PDE11A: variants seen among roughly 807,000 people sequenced by gnomAD.
PDE11A encodes the protein phosphodiesterase 11A, also known as dual 3',5'-cyclic-AMP and -GMP phosphodiesterase 11A.
PDE11A carries 100 observed loss-of-function variants against 100.5 expected under a neutral mutation model. The ratio of observed to expected loss-of-function variants is 1.00; its 90% CI spans 0.85 to 1.18. The LOEUF (loss-of-function observed/expected upper bound fraction) is 1.18, where lower values mean the gene tolerates loss of function less well. PDE11A is among the 50% of genes most tolerant of loss of function. PDE11A has a pLI of 0.00. For missense variants in PDE11A, 1,141 were observed against 1,152.6 expected (o/e 0.99, Z 0.15); for synonymous variants, 381 against 420.8 (o/e 0.91, Z 1.16).
intron 2 of PDE11A, among the ~76,000 whole-genome samples, chr2:178,103,869 C>A (rs549573933): frequency 1.3e-5 from 2 of 152,030 alleles, no homozygotes; most frequent in Admixed American, 1.3e-4. Flanking sequence ...TCGATCTTAA[C>A]CCTAAGATAC....
intron 1 of PDE11A, among the ~76,000 whole-genome samples, chr2:178,061,873 A>G (rs1252266480): frequency 1.3e-5 from 2 of 152,216 alleles, no homozygotes; most frequent in Non-Finnish European, 2.9e-5. Flanking sequence ...ACAGAAACCC[A>G]AAGTCTTAAG....
chr2:177,966,901 T>A (rs1184759910), intron 2 of PDE11A, among the ~76,000 whole-genome samples: 1 of 152,094 alleles, frequency 6.6e-6, no homozygotes, highest in African/African-American at 2.4e-5. Context: ...CTCTTCTCAG[T>A]TTTTTGGAAT....
At chr2:177,848,597 AAG>A (rs2083642507) in intron 5 of PDE11A, among the ~76,000 whole-genome samples, 1 of 152,244 alleles carries the variant, frequency 6.6e-6, no homozygotes, top group Non-Finnish European at 1.5e-5. Context: ...ACTGACTTCA[AAG>A]AGAGCTTCAT....
intron 2 of PDE11A, among the ~76,000 whole-genome samples, chr2:177,970,870 A>G (rs915491257): frequency 3.3e-5 from 5 of 152,204 alleles, no homozygotes; most frequent in Non-Finnish European, 7.3e-5. Context: ...GCATGGAGTC[A>G]TAGCAGTCAG....
At chr2:177,797,254 T>TG (rs2082719845) in intron 9 of PDE11A, 1 of 152,164 alleles carries the variant, frequency 6.6e-6, no homozygotes, top group South Asian at 2.1e-4. Flanking sequence ...AAAGAGCCCT[T>TG]GCGGTACAAT....
At chr2:177,985,016 G>T (rs1277665445) in intron 2 of PDE11A, among the ~76,000 whole-genome samples, 1 of 152,204 alleles carries the variant, frequency 6.6e-6, no homozygotes, top group African/African-American at 2.4e-5. Flanking sequence ...AGTTCATAAA[G>T]TAGAAATTCA....
At chr2:177,905,403 A>C (rs749618044) in intron 2 of PDE11A, among the ~76,000 whole-genome samples, 1 of 152,256 alleles carries the variant, frequency 6.6e-6, no homozygotes, top group Non-Finnish European at 1.5e-5. Context: ...CTTTAACTAG[A>C]GAATTCACAT....
chr2:177,672,144 A>G (rs779855369), intron 17 of PDE11A, among the ~76,000 whole-genome samples: 9 of 152,146 alleles, frequency 5.9e-5, no homozygotes, highest in Non-Finnish European at 1.2e-4. Flanking sequence ...AGGCCTTCCC[A>G]CATGGGAAAG....
chr2:178,046,973 C>T (rs575085187), intron 1 of PDE11A, among the ~76,000 whole-genome samples: 2 of 151,850 alleles, frequency 1.3e-5, no homozygotes, highest in East Asian at 3.9e-4. Context: ...ATGTCTAGGG[C>T]CTATCTCATT....
chr2:177,789,990 A>G (rs1250121271), intron 9 of PDE11A, among the ~76,000 whole-genome samples: 1 of 151,404 alleles, frequency 6.6e-6, no homozygotes, highest in East Asian at 1.9e-4. Flanking sequence ...ATTCAATGCC[A>G]TCGCCATCAA....
chr2:177,929,126 C>G (rs1399703397), intron 2 of PDE11A, among the ~76,000 whole-genome samples: 1 of 152,072 alleles, frequency 6.6e-6, no homozygotes, highest in African/African-American at 2.4e-5. Flanking sequence ...GCAAGTGCTC[C>G]CAGCCTGGGT....
At chr2:177,708,669 A>G (rs1244040940) in intron 13 of PDE11A, among the ~76,000 whole-genome samples, 1 of 152,262 alleles carries the variant, frequency 6.6e-6, no homozygotes, top group Non-Finnish European at 1.5e-5. Flanking sequence ...ATAATTTATA[A>G]GAGGTTGCAT....
intron 6 of PDE11A, 74 bp from the exon 7 acceptor site, chr2:177,820,369 T>G: frequency 1.2e-6 from 1 of 866,088 alleles, no homozygotes; most frequent in Non-Finnish European, 1.9e-6. Context: ...TTTCCATTTT[T>G]CATAACAGAT....
chr2:177,814,902 G>A (rs1290294068), intron 9 of PDE11A, among the ~76,000 whole-genome samples: 1 of 152,146 alleles, frequency 6.6e-6, no homozygotes, highest in Admixed American at 6.6e-5. Context: ...GGGGGTAAAT[G>A]GCCATTCATG....
At chr2:177,648,855 A>G (rs1264789890) in intron 19 of PDE11A, among the ~76,000 whole-genome samples, 1 of 152,088 alleles carries the variant, frequency 6.6e-6, no homozygotes, top group Non-Finnish European at 1.5e-5. Flanking sequence ...TTGGAAACAT[A>G]TTTGTCACCT....
At chr2:177,997,173 T>A in intron 2 of PDE11A, 5 of 1,186,128 alleles carry the variant, frequency 4.2e-6, no homozygotes, top group African/African-American at 1.5e-5. Flanking sequence ...ATGACTATGC[T>A]GAAGAATGCT....
intron 9 of PDE11A, among the ~76,000 whole-genome samples, chr2:177,813,811 CCCTCCACTCTTGTTG>C (rs2082990870): frequency 8.4e-6 from 1 of 119,688 alleles, no homozygotes; most frequent in African/African-American, 3.7e-5. Flanking sequence ...TGGATTATTT[CCCTCCACTCTTGTTG>C]CTAACCGGAA....
chr2:177,946,112 A>G lies in PDE11A; in HGVS notation c.1072-40925T>C, dbSNP rs1212856551. Among the ~76,000 whole-genome samples, 575 of 96,116 alleles carry G rather than the reference A, an allele frequency of 6.0e-3. 15 individuals carry two copies. Among genetic ancestry groups the G allele is most frequent in the African/African-American group, 0.024 (530 of 22,310 alleles). The allele number at this position is 96,116 out of a possible 152,430, so 63.1% of individuals were successfully genotyped here. A position where few individuals can be genotyped will look rare whatever the true frequency, so the allele number is the denominator to read the frequency against. ...TCCGGGATGGAGGTGGGGGGGGGTC[A>G]GCCCTCCGCCCGGCCAGCCGCCCCG... On this transcript the variant is annotated intron_variant, in intron 2 of 19. Coordinates refer to ENST00000286063, the MANE Select transcript of PDE11A (RefSeq NM_016953.4).
At chr2:177,848,981 G>C (rs2083651377) in intron 5 of PDE11A, among the ~76,000 whole-genome samples, 1 of 152,192 alleles carries the variant, frequency 6.6e-6, no homozygotes, top group African/African-American at 2.4e-5. Context: ...ATTAGACTGT[G>C]CTTGTGTTCA....
Sources: gnomAD v4.1 joint callset for allele counts (sites outside exome capture counted in the v4.1 genomes callset) on GRCh38, gnomAD v4.1.1 for gene constraint, MANE v1.5 for transcripts, NCBI Gene and HGNC (gene_info 2026-07-23, HGNC 2026-07-21) for gene names.